RGS12: variants seen among roughly 807,000 people sequenced by gnomAD.
RGS12 encodes regulator of G protein signaling 12.
A neutral mutation model predicts 120.1 loss-of-function variants in RGS12; 66 were observed. That is an observed-to-expected ratio of 0.55 (90% CI 0.45 to 0.67). RGS12 has a LOEUF of 0.67. RGS12 is among the 30% of genes least tolerant of loss of function. The pLI, the probability that RGS12 is intolerant of heterozygous loss-of-function variation, is 0.00. For missense variants in RGS12, 1,859 were observed against 1,957.7 expected, an observed-to-expected ratio of 0.95 and a Z score of 0.95; for synonymous variants, 827 against 804.7, an observed-to-expected ratio of 1.03 and a Z score of -0.47.
intron 4 of RGS12, among the ~76,000 whole-genome samples, chr4:3,404,449 G>A (rs1463883747): frequency 6.6e-6 from 1 of 152,216 alleles, no homozygotes; most frequent in Admixed American, 6.5e-5. Flanking sequence ...TTTAAGCTGG[G>A]CGAGTAAGTA....
chr4:3,405,162 A>C (rs1720975813), intron 4 of RGS12, among the ~76,000 whole-genome samples: 1 of 152,222 alleles, frequency 6.6e-6, no homozygotes, highest in African/African-American at 2.4e-5. Flanking sequence ...GAGGGTGCTA[A>C]AGTTGTGGAC....
At chr4:3,411,357 C>T (rs1721714477) in intron 4 of RGS12, among the ~76,000 whole-genome samples, 1 of 152,006 alleles carries the variant, frequency 6.6e-6, no homozygotes, top group Admixed American at 6.5e-5. Context: ...CTGTCTGGCT[C>T]TGCGTGTTCG....
chr4:3,413,841 C>T (rs774894756), intron 4 of RGS12: 2 of 516,022 alleles, frequency 3.9e-6, no homozygotes, highest in Non-Finnish European at 7.0e-6. Context: ...TGCTCGTGCA[C>T]ACACATGTGC....
Position 3,439,751 on chromosome 4 carries a change from G to A in RGS12, c.*67G>A. On this transcript the variant is annotated 3_prime_UTR_variant, in exon 18 of 18. Coordinates refer to ENST00000336727, the MANE Select transcript of RGS12 (RefSeq NM_001394154.1). ...TGGGGCAGCCCAGGTGGATTCTGTG[G>A]GCCTCAGGGGGGCCACCCTGGCCAC... The A allele has an allele frequency of 7.1e-7, 1 of 1,400,896 alleles. No individual in the cohort carries two copies. Among genetic ancestry groups the A allele is most frequent in the Non-Finnish European group, 9.4e-7 (1 of 1,060,170 alleles). 86.8% of individuals were successfully genotyped at this position (1,400,896 alleles called of 1,614,324 possible).
intron 1 of RGS12, among the ~76,000 whole-genome samples, chr4:3,313,654 TTAAG>T (rs1233366391): frequency 1.3e-5 from 2 of 151,912 alleles, no homozygotes; most frequent in Admixed American, 6.5e-5. Flanking sequence ...TCTGGTGACT[TTAAG>T]TCTGCTTCCT....
At position 3,317,120 on chromosome 4, in the gene RGS12, T is replaced by C. The variant is rs1724826176; in HGVS notation, c.950T>C (p.Met317Thr). Residue 317 changes from methionine (M) to threonine (T), a missense_variant, in exon 2 of 18, where the codon ATG becomes ACG. Physicochemically the swap from Met to Thr is moderately conservative, Grantham distance 81. Coordinates refer to ENST00000336727, the MANE Select transcript of RGS12 (RefSeq NM_001394154.1). ...CGGCGATTTTTCGGGTTGGTTACCATGCAGACGAATGACGACGGGAGCCTG... is the reference window on the plus strand; with the variant it reads ...CGGCGATTTTTCGGGTTGGTTACCACGCAGACGAATGACGACGGGAGCCTG... ...DDRRFFGLVT[M>T]QTNDDGSLAQ... 7 of 1,613,726 alleles carry C rather than the reference T, an allele frequency of 4.3e-6. No homozygotes were observed. Among genetic ancestry groups the C allele is most frequent in the Non-Finnish European group, 5.1e-6 (6 of 1,179,978 alleles).
At chr4:3,363,089 G>A (rs1202393149) in intron 3 of RGS12, among the ~76,000 whole-genome samples, 1 of 150,986 alleles carries the variant, frequency 6.6e-6, no homozygotes, top group Non-Finnish European at 1.5e-5. Context: ...ATGTGTGAAG[G>A]CGTGTGTATG....
chr4:3,291,193 G>A (rs1482682706), upstream of RGS12, among the ~76,000 whole-genome samples: 1 of 152,214 alleles, frequency 6.6e-6, no homozygotes, highest in East Asian at 1.9e-4. Flanking sequence ...AGGGCCACTT[G>A]TCCCTGCCCT....
intron 2 of RGS12, among the ~76,000 whole-genome samples, chr4:3,340,946 C>T (rs1242794787): frequency 6.6e-6 from 1 of 152,106 alleles, no homozygotes; most frequent in Non-Finnish European, 1.5e-5. Flanking sequence ...CATCTGGCAC[C>T]TGGCCGCTGT....
intron 1 of RGS12, among the ~76,000 whole-genome samples, chr4:3,308,905 A>G (rs1724125709): frequency 6.6e-6 from 1 of 152,148 alleles, no homozygotes; most frequent in African/African-American, 2.4e-5. Context: ...CCTGGAAGGG[A>G]CTGTTTTCCT....
rs544409059 is a variant in RGS12 at position 3,363,810 on chromosome 4, C to G, written c.1998+20757C>G. On this transcript the variant is annotated intron_variant, in intron 3 of 17. Coordinates refer to ENST00000336727, the MANE Select transcript of RGS12 (RefSeq NM_001394154.1). ...GGAGGCAGACAGAACCCCTGGGACC[C>G]AGGGGTCAGGGACTGGAAGGAAGCT... Among the ~76,000 whole-genome samples, 6 of 152,148 alleles carry G rather than the reference C, an allele frequency of 3.9e-5. No individual in the cohort carries two copies. In the South Asian group the frequency reaches 1.2e-3, roughly 32 times the overall value.
At chr4:3,304,744 C>A (rs1199191980) in intron 1 of RGS12, among the ~76,000 whole-genome samples, 1 of 152,204 alleles carries the variant, frequency 6.6e-6, no homozygotes, top group Non-Finnish European at 1.5e-5. Flanking sequence ...TTGAAACTAC[C>A]TGCTTTACAT....
Position 3,386,356 on chromosome 4 carries a change from G to A in RGS12, c.1999-60G>A, listed in dbSNP as rs117678714. On this transcript the variant is annotated intron_variant, in intron 3 of 17. Transcript: ENST00000336727. Reference sequence around the variant, plus strand: ...CTTGTGTTCCTCAGATGGACTTTTCGTTTCCTGGAGTTTTGTCATGAGGCT... The same window carrying A: ...CTTGTGTTCCTCAGATGGACTTTTCATTTCCTGGAGTTTTGTCATGAGGCT... The A allele has an allele frequency of 2.1e-4, 327 of 1,532,460 alleles. 1 individual carries two copies. In the East Asian group the frequency reaches 6.0e-3, roughly 28 times the overall value. 94.9% of individuals were successfully genotyped at this position (1,532,460 alleles called of 1,614,324 possible).
chr4:3,437,934 A>G (rs956632286), intron 17 of RGS12, among the ~76,000 whole-genome samples: 5 of 152,050 alleles, frequency 3.3e-5, no homozygotes, highest in African/African-American at 1.2e-4. Flanking sequence ...GGAAGCTTGG[A>G]CTGAGGGTGA....
chr4:3,380,761 G>A (rs1295472213), intron 3 of RGS12, among the ~76,000 whole-genome samples: 1 of 152,202 alleles, frequency 6.6e-6, no homozygotes, highest in Admixed American at 6.5e-5. Flanking sequence ...AGGTTGCATA[G>A]AGCAGGGAGG....
At chr4:3,323,872 TGAGAGA>T (rs72232319) in intron 2 of RGS12, 30,540 of 138,150 alleles carry the variant, frequency 0.22, 3,570 homozygotes, top group African/African-American at 0.34. Flanking sequence ...TGTGTGTGTG[TGAGAGA>T]GAGAGAGAGA....
chr4:3,311,258 C>T (rs1312893460), intron 1 of RGS12, among the ~76,000 whole-genome samples: 1 of 152,176 alleles, frequency 6.6e-6, no homozygotes. Context: ...AGCCCTGCCT[C>T]GCTCGGGGCC....
intron 2 of RGS12, among the ~76,000 whole-genome samples, chr4:3,332,712 G>A (rs939444577): frequency 2.0e-5 from 3 of 152,210 alleles, no homozygotes; most frequent in African/African-American, 7.2e-5. Flanking sequence ...CTGGCTGTTA[G>A]TCCCTGGCTG....
At chr4:3,307,244 C>T (rs750869573) in intron 1 of RGS12, among the ~76,000 whole-genome samples, 2 of 152,206 alleles carry the variant, frequency 1.3e-5, no homozygotes, top group East Asian at 1.9e-4. Context: ...CGGCCTTTGC[C>T]GACGCACCTT....
Sources: allele counts gnomAD v4.1 joint callset (sites outside exome capture counted in the v4.1 genomes callset), GRCh38; gene constraint gnomAD v4.1.1; transcripts MANE v1.5; gene names NCBI Gene and HGNC (gene_info 2026-07-23, HGNC 2026-07-21).